The following TTC7B variants were observed in gnomAD, a reference collection of about 807,000 sequenced individuals.
TTC7B encodes the protein tetratricopeptide repeat domain 7B.
A neutral mutation model predicts 106.8 loss-of-function variants in TTC7B; 28 were observed. The ratio of observed to expected loss-of-function variants is 0.26; its 90% CI spans 0.19 to 0.36. TTC7B has a LOEUF of 0.36. Among genes scored for constraint, TTC7B ranks in the 10% least tolerant of loss-of-function variants. The pLI, the probability that TTC7B is intolerant of heterozygous loss-of-function variation, is 1.00. For synonymous variants in TTC7B, 405 were observed against 430.6 expected, an observed-to-expected ratio of 0.94 and a Z score of 0.74; for missense variants, 862 against 1,076.4, an observed-to-expected ratio of 0.80 and a Z score of 2.79.
chr14:90,697,631 C>T (rs1167024093), intron 5 of TTC7B: 1 of 152,144 alleles, frequency 6.6e-6, no homozygotes. Context: ...AAAGAAAATC[C>T]GTTGGCCCAG....
chr14:90,557,727 G>A (rs566403029), intron 19 of TTC7B, among the ~76,000 whole-genome samples: 1 of 152,372 alleles, frequency 6.6e-6, no homozygotes, highest in African/African-American at 2.4e-5. Context: ...AAGCGCCCCT[G>A]CTCTGGTGCT....
intron 5 of TTC7B, chr14:90,698,772 G>T (rs926773762): frequency 1.3e-5 from 2 of 157,374 alleles, no homozygotes; most frequent in African/African-American, 4.8e-5. Flanking sequence ...CCAGCTGCTC[G>T]TTCCGCCTGA....
chr14:90,719,723 A>G (rs138540595), intron 5 of TTC7B, among the ~76,000 whole-genome samples: 1 of 152,222 alleles, frequency 6.6e-6, no homozygotes, highest in Non-Finnish European at 1.5e-5. Context: ...GTTCTGTCCT[A>G]TATCTATCTA....
intron 5 of TTC7B, among the ~76,000 whole-genome samples, chr14:90,701,167 T>C (rs533035134): frequency 6.6e-6 from 1 of 152,206 alleles, no homozygotes; most frequent in South Asian, 2.1e-4. Flanking sequence ...GTGACAGCCA[T>C]CCACGCCGAG....
chr14:90,678,204 T>C lies in TTC7B; in HGVS notation c.1015-1544A>G, dbSNP rs537782749. On this transcript the variant is annotated intron_variant, in intron 8 of 19. Transcript: ENST00000328459. ...GAACCTCAAACAGACCCACAAATAA[T>C]AAATATCCCAGAATATTGCCTCAGT... Among the ~76,000 whole-genome samples, 18 of 152,328 alleles carry C rather than the reference T, an allele frequency of 1.2e-4. No individual in the cohort carries two copies. The South Asian group carries it at 3.7e-3, about 32-fold the overall frequency.
chr14:90,699,727 C>T (rs1887910712), intron 5 of TTC7B, among the ~76,000 whole-genome samples: 1 of 152,222 alleles, frequency 6.6e-6, no homozygotes, highest in African/African-American at 2.4e-5. Flanking sequence ...TTTCTTCTCA[C>T]CAACCAGCAC....
At chr14:90,765,196 G>A (rs1022533859) in intron 3 of TTC7B, among the ~76,000 whole-genome samples, 4 of 152,116 alleles carry the variant, frequency 2.6e-5, no homozygotes, top group African/African-American at 9.7e-5. Flanking sequence ...ATGAAAAGAA[G>A]CCAGATACAA....
chr14:90,572,446 T>C (rs1891071977), intron 19 of TTC7B, among the ~76,000 whole-genome samples: 1 of 152,204 alleles, frequency 6.6e-6, no homozygotes, highest in South Asian at 2.1e-4. Context: ...TGCCGCACCT[T>C]CGGGTATTTC....
intron 5 of TTC7B, among the ~76,000 whole-genome samples, chr14:90,706,385 G>A (rs1888213909): frequency 6.6e-6 from 1 of 151,860 alleles, no homozygotes; most frequent in Admixed American, 6.6e-5. Context: ...GGATGGTCTC[G>A]ATCTCCTGAC....
intron 7 of TTC7B, among the ~76,000 whole-genome samples, chr14:90,684,670 G>A (rs552795581): frequency 6.6e-6 from 1 of 152,238 alleles, no homozygotes; most frequent in South Asian, 2.1e-4. Flanking sequence ...TTCAAAAAGG[G>A]GCCAGACTAA....
In TTC7B at chr14:90,693,928, G is replaced by A. The variant is rs117642800; in HGVS notation, c.777+1572C>T. ...ATGAATGTTCGTAGCAGCATTACTTGTACTTGCCCAAAAGTAGAAACAACC... is the reference window on the plus strand; with the variant it reads ...ATGAATGTTCGTAGCAGCATTACTTATACTTGCCCAAAAGTAGAAACAACC... On this transcript the variant is annotated intron_variant, in intron 6 of 19. Transcript: ENST00000328459. Among the ~76,000 whole-genome samples, 765 of 152,288 alleles carry A rather than the reference G, an allele frequency of 5.0e-3. 4 individuals carry two copies. Among genetic ancestry groups the A allele is most frequent in the Non-Finnish European group, 8.1e-3 (549 of 68,032 alleles).
At chr14:90,544,000 G>T (rs1229902774) in intron 19 of TTC7B, among the ~76,000 whole-genome samples, 1 of 152,250 alleles carries the variant, frequency 6.6e-6, no homozygotes, top group African/African-American at 2.4e-5. Context: ...GGGAGCTGGG[G>T]TGTCCACCCA....
chr14:90,723,868 G>A (rs78616667), intron 5 of TTC7B, among the ~76,000 whole-genome samples: 6,621 of 152,170 alleles, frequency 0.044, 189 homozygotes, highest in Non-Finnish European at 0.06. Context: ...TACTAGTACT[G>A]AGCACAGTAC....
chr14:90,704,595 G>T (rs1888130598), intron 5 of TTC7B, among the ~76,000 whole-genome samples: 1 of 152,190 alleles, frequency 6.6e-6, no homozygotes, highest in Non-Finnish European at 1.5e-5. Context: ...GCCTGGGAAG[G>T]CTCCCAGCGG....
intron 18 of TTC7B, among the ~76,000 whole-genome samples, chr14:90,581,631 G>A (rs1413221610): frequency 1.3e-5 from 2 of 152,070 alleles, no homozygotes; most frequent in East Asian, 3.9e-4. Context: ...GATGCTGTGG[G>A]CTGGTGAGGC....
In TTC7B at chr14:90,524,708, C is replaced by T. The variant is rs971325620; in HGVS notation, c.*16660G>A. The T allele has an allele frequency of 6.6e-6, 1 of 152,288 alleles. No homozygotes were observed. Among genetic ancestry groups the T allele is most frequent in the Non-Finnish European group, 1.5e-5 (1 of 68,090 alleles). 9.4% of individuals were successfully genotyped at this position (152,288 alleles called of 1,614,324 possible). Reference sequence around the variant, plus strand: ...CCCCGGAGGGGCAGTAGCCTGGGCCCTGCAGCTGCCCAGCCCTGGGGGTTA... The same window carrying T: ...CCCCGGAGGGGCAGTAGCCTGGGCCTTGCAGCTGCCCAGCCCTGGGGGTTA... On this transcript the variant is annotated 3_prime_UTR_variant, in exon 20 of 20. Coordinates refer to ENST00000328459, the MANE Select transcript of TTC7B (RefSeq NM_001010854.2).
At chr14:90,685,269 A>G (rs1887212464) in intron 7 of TTC7B, among the ~76,000 whole-genome samples, 1 of 152,194 alleles carries the variant, frequency 6.6e-6, no homozygotes, top group Admixed American at 6.5e-5. Context: ...AGGTTTGCAC[A>G]TTATCTACGG....
chr14:90,777,589 A>G (rs1891074674), intron 3 of TTC7B, among the ~76,000 whole-genome samples: 1 of 152,210 alleles, frequency 6.6e-6, no homozygotes, highest in African/African-American at 2.4e-5. Context: ...CAAAGTGTGC[A>G]GGTCAATTGC....
At chr14:90,680,049 A>G (rs1040132035) in intron 8 of TTC7B, among the ~76,000 whole-genome samples, 1 of 152,164 alleles carries the variant, frequency 6.6e-6, no homozygotes, top group Non-Finnish European at 1.5e-5. Flanking sequence ...CCAACAAATG[A>G]CTTATCCCAA....
Sources: gnomAD v4.1 joint callset for allele counts (sites outside exome capture counted in the v4.1 genomes callset) on GRCh38, gnomAD v4.1.1 for gene constraint, MANE v1.5 for transcripts, NCBI Gene and HGNC (gene_info 2026-07-23, HGNC 2026-07-21) for gene names.